The following RPTOR variants were observed in gnomAD, a reference collection of about 807,000 sequenced individuals.
RPTOR encodes the protein regulatory associated protein of MTOR complex 1, also known as regulatory-associated protein of mTOR.
In RPTOR, 21 loss-of-function variants were observed where a neutral mutation model predicts 169.9. That is an observed-to-expected ratio of 0.12 (90% CI 0.09 to 0.18). RPTOR has a LOEUF of 0.18. Ranked by LOEUF, RPTOR falls within the 10% of genes least tolerant of loss-of-function variation. The pLI is 1.00. For missense variants in RPTOR, 1,133 were observed against 1,855.9 expected (o/e 0.61, Z 7.16); for synonymous variants, 732 against 753.2 (o/e 0.97, Z 0.46).
Position 80,786,108 on chromosome 17 carries a change from C to T in RPTOR, c.831-5342C>T, listed in dbSNP as rs115180632. 8.0e-3 allele frequency among the ~76,000 whole-genome samples: 1,225 copies of T among 152,294 alleles called. 19 individuals carry two copies. Among genetic ancestry groups the T allele is most frequent in the African/African-American group, 0.028 (1,181 of 41,556 alleles). ...CAAGTCCTGAAGGTCATAGCAGAGG[C>T]CGCTTCTGCACAGTGGGGTGGGAGA... On this transcript the variant is annotated intron_variant, in intron 6 of 33. Transcript: ENST00000306801.
At chr17:80,778,432 G>T (rs1277842292) in intron 6 of RPTOR, among the ~76,000 whole-genome samples, 1 of 152,200 alleles carries the variant, frequency 6.6e-6, no homozygotes, top group Non-Finnish European at 1.5e-5. Flanking sequence ...GAAAGCAGCA[G>T]TTAGAAAAAT....
chr17:80,821,754 C>A (rs571524474), intron 7 of RPTOR, among the ~76,000 whole-genome samples: 1 of 152,210 alleles, frequency 6.6e-6, no homozygotes, highest in Non-Finnish European at 1.5e-5. Context: ...GTTGAATACA[C>A]GGGAGCAAAG....
intron 10 of RPTOR, 149 bp from the exon 11 acceptor site, chr17:80,846,324 C>G (rs1046455501): frequency 2.9e-6 from 2 of 700,182 alleles, no homozygotes; most frequent in Non-Finnish European, 4.9e-6. Context: ...ATGCCCAGAG[C>G]GCCCGCTTCT....
intron 12 of RPTOR, among the ~76,000 whole-genome samples, chr17:80,856,523 G>C (rs771393941): frequency 3.1e-4 from 47 of 152,188 alleles, no homozygotes; most frequent in Non-Finnish European, 4.6e-4. Context: ...TGAAGGACGA[G>C]AGAAAACATC....
rs2672895 is a variant in RPTOR, at chr17:80,852,411, C to T, written c.1315-3053C>T. On this transcript the variant is annotated intron_variant, in intron 11 of 33. Transcript: ENST00000306801. ...GGCAGCAGTGGCATGCGACAGCCCC[C>T]GAGTTAAGCATAGGAGAGGGATCCG... Among the ~76,000 whole-genome samples, 784 of 152,100 alleles carry T rather than the reference C, an allele frequency of 5.2e-3. 14 individuals carry two copies. Among genetic ancestry groups the T allele is most frequent in the African/African-American group, 0.018 (753 of 41,494 alleles).
intron 20 of RPTOR, among the ~76,000 whole-genome samples, chr17:80,907,864 C>T (rs1171665090): frequency 6.6e-6 from 1 of 152,230 alleles, no homozygotes; most frequent in Non-Finnish European, 1.5e-5. Flanking sequence ...GTGCCTCTTC[C>T]ACCAGGCCTT....
intron 3 of RPTOR, among the ~76,000 whole-genome samples, chr17:80,644,309 T>TTC (rs2065576626): frequency 1.4e-5 from 2 of 141,808 alleles, no homozygotes; most frequent in South Asian, 4.7e-4. Context: ...GTGTGTGGGT[T>TTC]TTTTTTTTTT....
At chr17:80,599,469 G>C (rs1451526999) in intron 1 of RPTOR, among the ~76,000 whole-genome samples, 1 of 152,240 alleles carries the variant, frequency 6.6e-6, no homozygotes. Context: ...GCTGGAGCCA[G>C]GTGTGGCCAT....
intron 10 of RPTOR, among the ~76,000 whole-genome samples, chr17:80,843,787 G>C (rs2067696828): frequency 6.6e-6 from 1 of 152,226 alleles, no homozygotes. Context: ...GGTAGCAGAA[G>C]TCCAGCCGGA....
chr17:80,862,936 A>C (rs1414566805), intron 13 of RPTOR, among the ~76,000 whole-genome samples: 1 of 152,184 alleles, frequency 6.6e-6, no homozygotes, highest in Non-Finnish European at 1.5e-5. Flanking sequence ...CTCAGGACAC[A>C]CTTAAGAGTT....
chr17:80,891,439 T>G (rs2068321881), intron 17 of RPTOR, among the ~76,000 whole-genome samples: 1 of 152,198 alleles, frequency 6.6e-6, no homozygotes, highest in Non-Finnish European at 1.5e-5. Flanking sequence ...CACCGTGTCC[T>G]TACGAGACCC....
intron 25 of RPTOR, chr17:80,941,489 A>T (rs2069027487): frequency 6.6e-6 from 1 of 152,342 alleles, no homozygotes; most frequent in Non-Finnish European, 1.5e-5. Flanking sequence ...CTACAGCCCC[A>T]CTGAGGGCAC....
At chr17:80,654,092 G>A (rs2065661515) in intron 3 of RPTOR, among the ~76,000 whole-genome samples, 2 of 152,248 alleles carry the variant, frequency 1.3e-5, no homozygotes, top group Admixed American at 1.3e-4. Flanking sequence ...GCCAGGCTCA[G>A]GTGGTGCCGT....
intron 6 of RPTOR, among the ~76,000 whole-genome samples, chr17:80,788,193 C>G (rs2067012946): frequency 6.6e-6 from 1 of 152,176 alleles, no homozygotes; most frequent in Non-Finnish European, 1.5e-5. Flanking sequence ...AAAACACCAG[C>G]TGGGGGTGGT....
chr17:80,652,553 C>T (rs1301335894), intron 3 of RPTOR, among the ~76,000 whole-genome samples: 1 of 152,214 alleles, frequency 6.6e-6, no homozygotes. Flanking sequence ...TGGTCTTGAA[C>T]CCCTGGCTTC....
At chr17:80,887,618 T>C (rs7208887) in intron 17 of RPTOR, among the ~76,000 whole-genome samples, 14,151 of 152,080 alleles carry the variant, frequency 0.093, 1,278 homozygotes, top group African/African-American at 0.24. Flanking sequence ...GGGCTGGGGT[T>C]GGGGAGTAGA....
rs189563615 is a variant in RPTOR, at chr17:80,770,461, G to A, written c.830+16276G>A. On this transcript the variant is annotated intron_variant, in intron 6 of 33. Transcript: ENST00000306801. ...GAGGAAGGTGCCCAGGGCATTTGGG[G>A]ACACAGAGGAGCAAATTTCATCCAG... is the stretch of plus-strand genomic sequence containing the variant. Among the ~76,000 whole-genome samples the A allele has an allele frequency of 2.4e-3, 366 of 152,276 alleles. 1 individual carries two copies. The highest frequency in any genetic ancestry group is 8.3e-3 in the African/African-American group (343 of 41,550).
intron 1 of RPTOR, among the ~76,000 whole-genome samples, chr17:80,548,085 T>C (rs1257729189): frequency 6.8e-6 from 1 of 147,740 alleles, no homozygotes; most frequent in African/African-American, 2.5e-5. Flanking sequence ...TTTCTTTTTT[T>C]TTTTTTTTTT....
intron 5 of RPTOR, among the ~76,000 whole-genome samples, chr17:80,739,164 G>A (rs888928119): frequency 4.0e-5 from 6 of 150,122 alleles, no homozygotes; most frequent in Non-Finnish European, 7.4e-5. Context: ...CACGGAGGCC[G>A]AGGGGCTCGC....
Sources: gnomAD v4.1 joint callset for allele counts (sites outside exome capture counted in the v4.1 genomes callset) on GRCh38, gnomAD v4.1.1 for gene constraint, MANE v1.5 for transcripts, NCBI Gene and HGNC (gene_info 2026-07-23, HGNC 2026-07-21) for gene names.